LTN1: variants seen among roughly 807,000 people sequenced by gnomAD.
LTN1 encodes listerin E3 ubiquitin protein ligase 1.
LTN1 carries 88 observed loss-of-function variants against 201.2 expected under a neutral mutation model. The observed-to-expected ratio is 0.44, with a 90% CI of 0.37 to 0.52. LTN1 has a LOEUF of 0.52. LTN1 is among the 20% of genes least tolerant of loss of function. The pLI is 0.00. For synonymous variants in LTN1, 645 were observed against 713.5 expected (o/e 0.90, Z 1.53); for missense variants, 1,752 against 2,038.7 (o/e 0.86, Z 2.71).
At chr21:28,971,132 T>C (rs1230476294) in intron 7 of LTN1, 139 bp downstream of exon 7, 18 of 639,876 alleles carry the variant, frequency 2.8e-5, no homozygotes, top group Non-Finnish European at 9.9e-6. Context: ...ATAAAAACTC[T>C]ATGCCATTTT....
At chr21:28,936,011 C>G (rs530625941) in intron 26 of LTN1, among the ~76,000 whole-genome samples, 1 of 152,262 alleles carries the variant, frequency 6.6e-6, no homozygotes, top group South Asian at 2.1e-4. Flanking sequence ...AGTTTGGCCT[C>G]CTTTACTTTC....
intron 4 of LTN1, 61 bp downstream of exon 4, chr21:28,984,631 T>C (rs2084682832): frequency 8.3e-7 from 1 of 1,206,348 alleles, no homozygotes; most frequent in South Asian, 1.3e-5. Context: ...GCTGTCATTA[T>C]GCTTATAACC....
chr21:28,961,699 T>C lies in LTN1; in HGVS notation c.2164-993A>G, dbSNP rs186609805. 1.9e-3 allele frequency among the ~76,000 whole-genome samples: 286 copies of C among 152,372 alleles called. 5 individuals carry two copies. The highest frequency in any genetic ancestry group is 6.3e-3 in the African/African-American group (261 of 41,590). ...TTTTAATCAGCGTGGGCCTATCTCC[T>C]AATTTGAAAGTTGGAAAGATTAACT... On this transcript the variant is annotated intron_variant, in intron 11 of 29. Transcript: ENST00000361371.
At chr21:28,963,835 G>A (rs1331660240) in intron 11 of LTN1, among the ~76,000 whole-genome samples, 1 of 152,176 alleles carries the variant, frequency 6.6e-6, no homozygotes, top group African/African-American at 2.4e-5. Flanking sequence ...ACATTAATAG[G>A]AGTTGAGAAG....
In LTN1 at chr21:28,956,749, C is replaced by T; in HGVS notation, c.3079+13G>A. 3 of 1,453,612 alleles carry T rather than the reference C, an allele frequency of 2.1e-6. No homozygotes were observed. Among genetic ancestry groups the T allele is most frequent in the Non-Finnish European group, 1.9e-6 (2 of 1,051,156 alleles). 90.0% of individuals were successfully genotyped at this position (1,453,612 alleles called of 1,614,324 possible). A position where few individuals can be genotyped will look rare whatever the true frequency, so the allele number is the denominator to read the frequency against. ...ATGCATTATGTTATATGTAAATACTCATATATACTTACTTATTTTCTCAAG... is the reference window on the plus strand; with the variant it reads ...ATGCATTATGTTATATGTAAATACTTATATATACTTACTTATTTTCTCAAG... On this transcript the variant is annotated intron_variant, in intron 16 of 29. Transcript: ENST00000361371.
chr21:28,958,480 G>T lies in LTN1; in HGVS notation c.2653C>A (p.Gln885Lys), dbSNP rs2084445422. Residue 885 changes from glutamine (Q) to lysine (K), a missense_variant, in exon 14 of 30, where the codon CAA becomes AAA. Around this residue, in one of 3 missense-constraint regions of LTN1, gnomAD observed 1,211 missense variants for 1,312.8 expected, o/e 0.92. Coordinates refer to ENST00000361371, the MANE Select transcript of LTN1 (RefSeq NM_015565.3). ...CTCTCTTTATATGAACTGTCAGTTT[G>T]ATGAACCAATAAATTTACACCAGAG... Reference protein sequence around the residue: ...WLSGVNLLVHQTDSSYKESTF... With the variant: ...WLSGVNLLVHKTDSSYKESTF... The T allele has an allele frequency of 1.2e-6, 2 of 1,611,662 alleles. No individual in the cohort carries two copies. The highest frequency in any genetic ancestry group is 1.7e-6 in the Non-Finnish European group (2 of 1,178,858).
chr21:28,939,145 A>T (rs1157857997), intron 25 of LTN1, among the ~76,000 whole-genome samples: 1 of 152,224 alleles, frequency 6.6e-6, no homozygotes, highest in African/African-American at 2.4e-5. Flanking sequence ...CAGTATAGCA[A>T]CTATTTCAAT....
Position 28,960,367 on chromosome 21 carries a change from A to G in LTN1, c.2353+150T>C, listed in dbSNP as rs1053971079. 8 of 573,632 alleles carry G rather than the reference A, an allele frequency of 1.4e-5. No homozygotes were observed. In the Admixed American group the frequency reaches 2.1e-4, roughly 15 times the overall value. The allele number at this position is 573,632 out of a possible 1,614,324, so 35.5% of individuals were successfully genotyped here. A position where few individuals can be genotyped will look rare whatever the true frequency, so the allele number is the denominator to read the frequency against. The stretch of plus-strand genomic sequence containing the variant: ...GGGAGACTCAGTCTCAAAAAAAAAA[A>G]GAAAAAAGAAAAGAAAAGAAAAAAA... On this transcript the variant is annotated intron_variant, in intron 12 of 29. Coordinates refer to ENST00000361371, the MANE Select transcript of LTN1 (RefSeq NM_015565.3).
At chr21:28,945,114 G>A (rs1281589668) in intron 21 of LTN1, among the ~76,000 whole-genome samples, 2 of 152,096 alleles carry the variant, frequency 1.3e-5, no homozygotes, top group African/African-American at 4.8e-5. Context: ...CCTGCTATTT[G>A]AGAGGCTGAG....
At chr21:28,985,005 C>T in intron 3 of LTN1, 83 bp from the exon 4 acceptor site, 2 of 909,670 alleles carry the variant, frequency 2.2e-6, no homozygotes, top group Admixed American at 2.7e-5. Flanking sequence ...TATAATGACC[C>T]ATTACCAAGA....
chr21:28,943,794 C>T lies in LTN1; in HGVS notation c.4093G>A (p.Ala1365Thr). Residue 1365 changes from alanine to threonine, a missense_variant, in exon 23 of 30, where the codon GCA (alanine) becomes ACA (threonine). Coordinates refer to ENST00000361371, the MANE Select transcript of LTN1 (RefSeq NM_015565.3). ...KEQLLSHKLP[A>T]RLVADQKTNL... ...GTTTTTTGGTCAGCAACTAATCTTG[C>T]AGGAAGTTTGTGACTCAATAGCTGT... 6.2e-7 allele frequency: 1 copy of T among 1,613,716 alleles called. No individual in the cohort carries two copies. Among genetic ancestry groups the T allele is most frequent in the Admixed American group, 1.7e-5 (1 of 60,000 alleles).
Position 28,945,842 on chromosome 21 carries a change from C to T in LTN1, c.3733G>A (p.Asp1245Asn), listed in dbSNP as rs1437961887. 5 of 1,613,504 alleles carry T rather than the reference C, an allele frequency of 3.1e-6. No homozygotes were observed. The Admixed American group carries it at 5.0e-5, about 16-fold the overall frequency. The change falls in exon 21 of 30, where the codon GAC becomes AAC. Residue 1245 changes from aspartate (D) to asparagine (N), a missense_variant. Transcript: ENST00000361371. ...GCCAACATGGAGCACATGATGAAGT[C>T]CCACTCACTCTCTGCCAAAGGGGAT... ...CSSPLAESEW[D>N]FIMCSMLAWL...
rs758579898 is a variant in LTN1, at chr21:28,944,517, T to A, written c.3848A>T (p.Asp1283Val). 1.9e-6 allele frequency: 3 copies of A among 1,613,956 alleles called. No homozygotes were observed. Among genetic ancestry groups the A allele is most frequent in the East Asian group, 2.2e-5 (1 of 44,856 alleles). The change falls in exon 22 of 30, where the codon GAC (aspartate) becomes GTC (valine). Residue 1283 changes from aspartate (D) to valine (V), a missense_variant. Asp to Val is a radical substitution (Grantham distance 152, BLOSUM62 -3). Transcript: ENST00000361371. ...TGTGGAATCAAAGAAAGCACTGAGG[T>A]CACAGGCCAAATCACAGCTGACACA... Reference protein sequence around the residue: ...FACVSCDLACDLSAFFDSTTL... With the variant: ...FACVSCDLACVLSAFFDSTTL...
chr21:28,963,600 T>C (rs2070702572), intron 11 of LTN1, among the ~76,000 whole-genome samples: 1 of 152,254 alleles, frequency 6.6e-6, no homozygotes, highest in Non-Finnish European at 1.5e-5. Context: ...TAATGTTGTT[T>C]TCATGCCTGC....
At chr21:28,947,025 A>C (rs2084343176) in intron 19 of LTN1, among the ~76,000 whole-genome samples, 1 of 152,220 alleles carries the variant, frequency 6.6e-6, no homozygotes, top group African/African-American at 2.4e-5. Context: ...TCTTTTTGCT[A>C]CATCGGTTAT....
chr21:28,931,074 T>A, intron 29 of LTN1, 81 bp downstream of exon 29: 2 of 705,026 alleles, frequency 2.8e-6, no homozygotes. Flanking sequence ...TAGGTGTGTG[T>A]GTGTGTGTGT....
chr21:28,958,511 A>G lies in LTN1; in HGVS notation c.2622T>C (p.Thr874=), dbSNP rs751041403. 1.2e-6 allele frequency: 2 copies of G among 1,604,154 alleles called. No individual in the cohort carries two copies. The highest frequency in any genetic ancestry group is 1.7e-6 in the Non-Finnish European group (2 of 1,176,698). The change falls in exon 14 of 30, where the codon ACT becomes ACC. Residue 874 remains threonine, a synonymous_variant. Transcript: ENST00000361371. The part of the protein sequence containing the change: ...PDFLICKLKN[T]WLSGVNLLVH... ...CCAATAAATTTACACCAGAGAGCCA[A>G]GTATTTTTCAGTTTACAGATAAGAA...
intron 14 of LTN1, 138 bp from the exon 15 acceptor site, chr21:28,957,614 C>G: frequency 2.1e-6 from 1 of 468,906 alleles, no homozygotes; most frequent in East Asian, 3.5e-5. Flanking sequence ...AGTGACATTC[C>G]CCCACCGATG....
chr21:28,936,819 T>C (rs2146258956), intron 25 of LTN1, 122 bp from the exon 26 acceptor site: 4 of 685,520 alleles, frequency 5.8e-6, no homozygotes, highest in East Asian at 2.5e-5. Flanking sequence ...TATCCCCTCA[T>C]TATTGTAACA....
Sources: gnomAD v4.1 joint callset for allele counts (sites outside exome capture counted in the v4.1 genomes callset) on GRCh38, gnomAD v4.1.1 for gene constraint, gnomAD v4.1.1 regional missense constraint, MANE v1.5 for transcripts, NCBI Gene and HGNC (gene_info 2026-07-23, HGNC 2026-07-21) for gene names.